Variants in PAK3 observed in about 807,000 individuals in gnomAD.
PAK3 encodes serine/threonine-protein kinase PAK 3.
Under a neutral mutation model 41.0 loss-of-function variants are expected in PAK3, and 4 were observed. The observed-to-expected ratio is 0.10, with a 90% CI of 0.05 to 0.22. The LOEUF is 0.22. Among genes scored for constraint, PAK3 ranks in the 10% least tolerant of loss-of-function variants. The probability of loss-of-function intolerance (pLI) is 1.00; values close to 1 mark genes in which losing one functional copy is unlikely to be tolerated. For missense variants in PAK3, 205 were observed against 409.9 expected, an observed-to-expected ratio of 0.50 and a Z score of 4.32; for synonymous variants, 146 against 139.6, an observed-to-expected ratio of 1.05 and a Z score of -0.32.
chrX:111,195,972 T>C, intron 15 of PAK3, 31 bp downstream of exon 15: 1 of 766,178 alleles, frequency 1.3e-6, no homozygotes, highest in Non-Finnish European at 2.0e-6. Context: ...GGTATTAGAG[T>C]ATCAGGGAAT....
intron 1 of PAK3, among the ~76,000 whole-genome samples, chrX:110,969,021 G>T (rs894197338): frequency 9.4e-6 from 1 of 106,705 alleles, no homozygotes; most frequent in Non-Finnish European, 1.9e-5. Flanking sequence ...ATGAGAGCCC[G>T]GGTTTAAGTG....
chrX:111,127,436 G>A (rs1265240651), intron 5 of PAK3, among the ~76,000 whole-genome samples: 1 of 109,796 alleles, frequency 9.1e-6, no homozygotes, highest in Non-Finnish European at 1.9e-5. Context: ...TCAAGAGACA[G>A]GTAGAAGAAA....
intron 1 of PAK3, among the ~76,000 whole-genome samples, chrX:110,958,813 A>G (rs1343701662): frequency 9.0e-6 from 1 of 111,538 alleles, no homozygotes; most frequent in Non-Finnish European, 1.9e-5. Context: ...ACTCATCTCT[A>G]TATTCCCCAA....
intron 1 of PAK3, among the ~76,000 whole-genome samples, chrX:110,977,691 T>G (rs1322994152): frequency 8.9e-6 from 1 of 112,110 alleles, no homozygotes; most frequent in Non-Finnish European, 1.9e-5. Context: ...TTAATTTCAT[T>G]TTTGGTTTGC....
At chrX:111,155,500 C>CA (rs369169590) in intron 8 of PAK3, among the ~76,000 whole-genome samples, 1,419 of 54,034 alleles carry the variant, frequency 0.026, 14 homozygotes, top group African/African-American at 0.057. Flanking sequence ...AACCCTGTCT[C>CA]AAAAAAAAAA....
In PAK3 at chrX:111,010,758, G is replaced by A. The variant is rs568674784; in HGVS notation, c.-28+66130G>A. ...TTGGTGCCATGCTTGTACAGCCTGC[G>A]GAACTGTGAGACAATTAAACCTCTT... On this transcript the variant is annotated intron_variant, in intron 1 of 14. Transcript: ENST00000425146. Among the ~76,000 whole-genome samples, 29 of 111,769 alleles carry A rather than the reference G, an allele frequency of 2.6e-4. No homozygotes were observed. The South Asian group carries it at 5.7e-3, about 22-fold the overall frequency.
At chrX:111,080,237 A>G (rs1286417180) in intron 1 of PAK3, among the ~76,000 whole-genome samples, 1 of 111,647 alleles carries the variant, frequency 9.0e-6, no homozygotes, top group Non-Finnish European at 1.9e-5. Context: ...TCACGAAAGG[A>G]AGAGCCCATT....
chrX:111,142,115 A>G lies in PAK3; in HGVS notation c.195A>G (p.Lys65=). 1 of 1,185,290 alleles carries G rather than the reference A, an allele frequency of 8.4e-7. No individual in the cohort carries two copies. Among genetic ancestry groups the G allele is most frequent in the Non-Finnish European group, 1.1e-6 (1 of 871,218 alleles). Residue 65 remains lysine (K), a synonymous_variant, in exon 6 of 18, where the codon AAA becomes AAG. Transcript: ENST00000372007. The part of the protein sequence containing the change: ...GGDKTNKKKE[K]ERPEISLPSD... Reference sequence around the variant, plus strand: ...CTTTAGCCAATAAGAAGAAGGAGAAAGAGCGCCCAGAGATCTCTCTTCCTT... The same window carrying G: ...CTTTAGCCAATAAGAAGAAGGAGAAGGAGCGCCCAGAGATCTCTCTTCCTT...
chrX:111,089,520 T>C (rs1349916927), intron 1 of PAK3, among the ~76,000 whole-genome samples: 1 of 111,722 alleles, frequency 9.0e-6, no homozygotes, highest in Non-Finnish European at 1.9e-5. Context: ...ATTAGAAATA[T>C]AAGACCAGTT....
At chrX:111,049,562 G>C (rs1396355536) in intron 1 of PAK3, among the ~76,000 whole-genome samples, 1 of 112,231 alleles carries the variant, frequency 8.9e-6, no homozygotes, top group African/African-American at 3.2e-5. Context: ...TAGTAAGTGA[G>C]ATGAAGGAGG....
At chrX:110,945,529 C>G (rs1008550750) in intron 1 of PAK3, among the ~76,000 whole-genome samples, 2 of 111,880 alleles carry the variant, frequency 1.8e-5, no homozygotes, top group African/African-American at 6.5e-5. Flanking sequence ...AGGGTTTCCT[C>G]TCTCAGCCAA....
chrX:111,208,354 T>G (rs1013052712), intron 16 of PAK3, among the ~76,000 whole-genome samples: 4 of 112,047 alleles, frequency 3.6e-5, no homozygotes, highest in Non-Finnish European at 7.5e-5. Flanking sequence ...TGTACAGTAT[T>G]TATAAAGCCT....
At chrX:111,118,220 T>C (rs2093500938) in intron 4 of PAK3, among the ~76,000 whole-genome samples, 1 of 112,057 alleles carries the variant, frequency 8.9e-6, no homozygotes, top group African/African-American at 3.2e-5. Flanking sequence ...TCTTACATTA[T>C]CAGTCATAAG....
intron 1 of PAK3, among the ~76,000 whole-genome samples, chrX:111,039,994 C>CAAAAAAAAAAAAAAAAAAAAAAAAA (rs141289134): frequency 2.0e-5 from 1 of 49,279 alleles, no homozygotes; most frequent in Non-Finnish European, 3.9e-5. Context: ...GTAGATGGAG[C>CAAAAAAAAAAAAAAAAAAAAAAAAA]AAAAAAAAAA....
At position 110,945,565 on chromosome X, in the gene PAK3, T is replaced by C. The variant is rs746920883; in HGVS notation, c.-28+937T>C. Among the ~76,000 whole-genome samples, 11 of 112,028 alleles carry C rather than the reference T, an allele frequency of 9.8e-5. 1 individual carries two copies. In the South Asian group the frequency reaches 4.1e-3, roughly 42 times the overall value. Reference sequence around the variant, plus strand: ...TGAGGATCCAAAGCTCTTACAGTGATCCCTGCAGTGCCTTCCCACACCCAT... The same window carrying C: ...TGAGGATCCAAAGCTCTTACAGTGACCCCTGCAGTGCCTTCCCACACCCAT... On this transcript the variant is annotated intron_variant, in intron 1 of 14. Coordinates refer to the PAK3 transcript ENST00000425146.
At position 111,162,987 on chromosome X, in the gene PAK3, G is replaced by A; in HGVS notation, c.541G>A (p.Glu181Lys). 8.3e-7 allele frequency: 1 copy of A among 1,207,703 alleles called. No individual in the cohort carries two copies. The highest frequency in any genetic ancestry group is 1.1e-6 in the Non-Finnish European group (1 of 892,037). Residue 181 changes from glutamate (E) to lysine (K), a missense_variant, in exon 9 of 18, where the codon GAA becomes AAA. By Grantham distance (56) the Glu-to-Lys change is moderately conservative (BLOSUM62 1). Coordinates refer to ENST00000372007, the MANE Select transcript of PAK3 (RefSeq NM_002578.5). ...AGAAGAAGATGAAGAGGAAGAAGAA[G>A]AAGAAGATGAAAATGAGCCACCACC... ...SEEEDEEEEE[E>K]EDENEPPPVI...
chrX:111,069,207 G>C (rs1043923077), intron 1 of PAK3, among the ~76,000 whole-genome samples: 7 of 112,007 alleles, frequency 6.2e-5, no homozygotes, highest in Non-Finnish European at 1.3e-4. Context: ...TTTGTCTTAT[G>C]AGCCCTCTTT....
intron 6 of PAK3, chrX:111,144,773 A>G: frequency 2.0e-6 from 1 of 511,377 alleles, no homozygotes; most frequent in Non-Finnish European, 3.3e-6. Context: ...CCTGAAGCTA[A>G]AAGTAGGTTG....
At chrX:111,125,258 G>A (rs866513383) in intron 5 of PAK3, among the ~76,000 whole-genome samples, 1 of 111,479 alleles carries the variant, frequency 9.0e-6, no homozygotes, top group Middle Eastern at 4.6e-3. Flanking sequence ...GAGAAGACTT[G>A]GCTAGAGGTG....
Sources: allele counts gnomAD v4.1 joint callset (sites outside exome capture counted in the v4.1 genomes callset), GRCh38; gene constraint gnomAD v4.1.1; transcripts MANE v1.5; gene names NCBI Gene and HGNC (gene_info 2026-07-23, HGNC 2026-07-21).